DIAPH2: variants seen among roughly 807,000 people sequenced by gnomAD.
DIAPH2 encodes the protein diaphanous related formin 2.
Under a neutral mutation model 92.7 loss-of-function variants are expected in DIAPH2, and 35 were observed. The ratio of observed to expected loss-of-function variants is 0.38; its 90% CI spans 0.29 to 0.50. DIAPH2 has a LOEUF of 0.50. Ranked by LOEUF, DIAPH2 falls within the 20% of genes least tolerant of loss-of-function variation. The probability of loss-of-function intolerance (pLI) is 0.94; values close to 1 mark genes in which losing one functional copy is unlikely to be tolerated. For synonymous variants in DIAPH2, 301 were observed against 280.4 expected (o/e 1.07, Z -0.73); for missense variants, 701 against 819.5 (o/e 0.86, Z 1.77).
At chrX:96,929,086 T>G (rs1266463309) in intron 9 of DIAPH2, among the ~76,000 whole-genome samples, 4 of 111,567 alleles carry the variant, frequency 3.6e-5, no homozygotes, top group Non-Finnish European at 7.6e-5. Context: ...AACTTTTCTC[T>G]CTATTAATTT....
At chrX:97,347,444 A>G (rs990158471) in intron 23 of DIAPH2, among the ~76,000 whole-genome samples, 3 of 109,788 alleles carry the variant, frequency 2.7e-5, no homozygotes, top group African/African-American at 9.9e-5. Flanking sequence ...AGAGAGAAAA[A>G]AAAATATATA....
chrX:96,987,140 A>G (rs372531123), intron 17 of DIAPH2, among the ~76,000 whole-genome samples: 2 of 110,209 alleles, frequency 1.8e-5, no homozygotes, highest in East Asian at 2.8e-4. Context: ...CACCTGCATA[A>G]TCAACATAGG....
At chrX:96,880,508 T>A (rs1170675176) in intron 4 of DIAPH2, among the ~76,000 whole-genome samples, 7 of 111,899 alleles carry the variant, frequency 6.3e-5, no homozygotes, top group African/African-American at 2.3e-4. Flanking sequence ...AACATTTTTT[T>A]AAATGTCATA....
rs759419986 is a variant in DIAPH2 at position 97,437,629 on chromosome X, T to C, written c.3241+7884T>C. Among the ~76,000 whole-genome samples the C allele has an allele frequency of 6.3e-5, 7 of 111,033 alleles. No homozygotes were observed. The South Asian group carries it at 1.9e-3, about 30-fold the overall frequency. ...GTAGTTTGGGGGAAAACAAGAGGAA[T>C]AGGCTTTTCAGATAAAGGAAATGAC... On this transcript the variant is annotated intron_variant, in intron 26 of 26. Coordinates refer to ENST00000324765, the MANE Select transcript of DIAPH2 (RefSeq NM_006729.5).
chrX:97,487,398 C>T (rs755375905), intron 26 of DIAPH2, among the ~76,000 whole-genome samples: 1 of 111,409 alleles, frequency 9.0e-6, no homozygotes, highest in Non-Finnish European at 1.9e-5. Flanking sequence ...CCTCAGCCTC[C>T]TGAGTAGCTG....
At chrX:96,884,673 C>T (rs1243405160) in intron 5 of DIAPH2, 12 of 1,207,509 alleles carry the variant, frequency 9.9e-6, no homozygotes, top group Non-Finnish European at 1.1e-5. Context: ...CATTGTCAGT[C>T]GGAGTATATG....
At chrX:96,798,272 T>C (rs1014217747) in intron 4 of DIAPH2, among the ~76,000 whole-genome samples, 1 of 112,062 alleles carries the variant, frequency 8.9e-6, no homozygotes, top group Admixed American at 9.5e-5. Context: ...TGTCCATATG[T>C]CACTGAGGCT....
intron 26 of DIAPH2, among the ~76,000 whole-genome samples, chrX:97,496,941 C>A (rs2070763167): frequency 9.0e-6 from 1 of 111,384 alleles, no homozygotes; most frequent in Admixed American, 9.5e-5. Context: ...TTAAAAACTT[C>A]AAAATAAATA....
chrX:96,825,991 T>C (rs1333556689), intron 4 of DIAPH2, among the ~76,000 whole-genome samples: 1 of 112,165 alleles, frequency 8.9e-6, no homozygotes, highest in Non-Finnish European at 1.9e-5. Flanking sequence ...TTTAATTTTG[T>C]CCAGTGTTCA....
chrX:97,117,710 G>T (rs1456115610), intron 21 of DIAPH2, among the ~76,000 whole-genome samples: 2 of 111,925 alleles, frequency 1.8e-5, no homozygotes, highest in African/African-American at 6.5e-5. Flanking sequence ...TGGTATTTGG[G>T]AAGAAAAGGA....
At chrX:97,524,528 G>A (rs1463547415) in intron 26 of DIAPH2, among the ~76,000 whole-genome samples, 4 of 111,926 alleles carry the variant, frequency 3.6e-5, no homozygotes, top group Non-Finnish European at 7.5e-5. Context: ...AACTTACAAT[G>A]AGTCAGACAC....
intron 4 of DIAPH2, among the ~76,000 whole-genome samples, chrX:96,759,777 A>T (rs1380294124): frequency 1.8e-5 from 2 of 111,629 alleles, no homozygotes; most frequent in Non-Finnish European, 3.8e-5. Flanking sequence ...TAATGATTAT[A>T]TGAAACTCTT....
intron 25 of DIAPH2, among the ~76,000 whole-genome samples, chrX:97,422,499 C>T (rs780091530): frequency 3.2e-4 from 36 of 111,788 alleles, no homozygotes; most frequent in Non-Finnish European, 5.3e-4. Flanking sequence ...CAGTAAGAAG[C>T]CTTTTGCTTC....
At chrX:97,465,885 A>G (rs1258417011) in intron 26 of DIAPH2, among the ~76,000 whole-genome samples, 1 of 111,037 alleles carries the variant, frequency 9.0e-6, no homozygotes, top group Non-Finnish European at 1.9e-5. Flanking sequence ...ATGGGGTTTC[A>G]CCATGTTGGT....
intron 26 of DIAPH2, among the ~76,000 whole-genome samples, chrX:97,541,942 G>A (rs763016317): frequency 9.8e-5 from 11 of 112,419 alleles, no homozygotes; most frequent in Non-Finnish European, 2.1e-4. Flanking sequence ...GGATCATGTT[G>A]GGCTTTAAAA....
chrX:97,018,451 G>C, intron 17 of DIAPH2, among the ~76,000 whole-genome samples: 1 of 112,154 alleles, frequency 8.9e-6, no homozygotes. Flanking sequence ...TATTGCGACA[G>C]CATTGCCAGT....
intron 23 of DIAPH2, among the ~76,000 whole-genome samples, chrX:97,277,110 G>A (rs139789815): frequency 0.021 from 2,329 of 112,285 alleles, 30 homozygotes; most frequent in Non-Finnish European, 0.033. Flanking sequence ...GCCAAGGTAG[G>A]TGGATCACCT....
At chrX:96,858,752 C>G (rs5921900) in intron 4 of DIAPH2, among the ~76,000 whole-genome samples, 6,049 of 111,580 alleles carry the variant, frequency 0.054, 178 homozygotes, top group Middle Eastern at 0.14. Context: ...ATTTTGAGTT[C>G]CCTTGTCATA....
intron 3 of DIAPH2, 99 bp downstream of exon 3, chrX:96,738,861 C>A: frequency 1.6e-6 from 1 of 634,451 alleles, no homozygotes; most frequent in African/African-American, 2.3e-5. Context: ...GTGTTTATAT[C>A]ACATAAAGAA....
Sources: gnomAD v4.1 joint callset for allele counts (sites outside exome capture counted in the v4.1 genomes callset) on GRCh38, gnomAD v4.1.1 for gene constraint, MANE v1.5 for transcripts, NCBI Gene and HGNC (gene_info 2026-07-23, HGNC 2026-07-21) for gene names.